The following DOCK2 variants were observed in gnomAD, a reference collection of about 807,000 sequenced individuals.
DOCK2 encodes dedicator of cytokinesis protein 2.
In DOCK2, 87 loss-of-function variants were observed where a neutral mutation model predicts 248.9. That is an observed-to-expected ratio of 0.35 (90% CI 0.29 to 0.42). DOCK2 has a LOEUF of 0.42. Among genes scored for constraint, DOCK2 ranks in the 10% least tolerant of loss-of-function variants. The probability of loss-of-function intolerance (pLI) is 1.00; values close to 1 mark genes in which losing one functional copy is unlikely to be tolerated. For missense variants in DOCK2, 1,747 were observed against 2,300.2 expected (o/e 0.76, Z 4.92); for synonymous variants, 805 against 821.6 (o/e 0.98, Z 0.35).
chr5:170,014,968 G>A (rs1400090099), intron 32 of DOCK2, among the ~76,000 whole-genome samples: 1 of 152,182 alleles, frequency 6.6e-6, no homozygotes, highest in African/African-American at 2.4e-5. Context: ...GGTTGTGAGT[G>A]TCAGCCATGG....
At chr5:169,724,661 C>A (rs1218650151) in intron 22 of DOCK2, among the ~76,000 whole-genome samples, 1 of 152,216 alleles carries the variant, frequency 6.6e-6, no homozygotes, top group Non-Finnish European at 1.5e-5. Flanking sequence ...GCTTACCTCA[C>A]CCAGGGCCAG....
At chr5:169,716,649 G>A (rs1761928267) in intron 20 of DOCK2, among the ~76,000 whole-genome samples, 1 of 152,180 alleles carries the variant, frequency 6.6e-6, no homozygotes, top group South Asian at 2.1e-4. Flanking sequence ...CACCAAAAAT[G>A]TTTCTTAGCT....
At position 170,055,438 on chromosome 5, in the gene DOCK2, G is replaced by A. The variant is rs138260184; in HGVS notation, c.4295+52G>A. On this transcript the variant is annotated intron_variant, in intron 42 of 51. Transcript: ENST00000520908. ...AGGATGGGGAAGAGAACCCATTGGG[G>A]CCACCAAACTGAGCTGGTGGCAGAA... 541 of 1,552,810 alleles carry A rather than the reference G, an allele frequency of 3.5e-4. 2 individuals carry two copies. In the African/African-American group the frequency reaches 6.5e-3, roughly 19 times the overall value.
chr5:170,039,685 A>G (rs890257950), intron 36 of DOCK2, among the ~76,000 whole-genome samples: 7 of 152,198 alleles, frequency 4.6e-5, no homozygotes, highest in African/African-American at 1.7e-4. Flanking sequence ...CTGAACATTC[A>G]CTTCTCCTTT....
At chr5:170,041,864 T>C in intron 37 of DOCK2, 149 bp from the exon 38 acceptor site, 1 of 1,014,746 alleles carries the variant, frequency 9.9e-7, no homozygotes, top group Admixed American at 3.1e-5. Context: ...ACCCCAAGTT[T>C]CCAGAAATAA....
At chr5:169,639,301 C>T (rs912036601) in intron 1 of DOCK2, among the ~76,000 whole-genome samples, 1 of 152,136 alleles carries the variant, frequency 6.6e-6, no homozygotes, top group Non-Finnish European at 1.5e-5. Flanking sequence ...GCCTGAGGCT[C>T]TTGTCAGTGA....
chr5:169,642,582 T>C (rs969714245), intron 1 of DOCK2, among the ~76,000 whole-genome samples: 3 of 152,176 alleles, frequency 2.0e-5, no homozygotes, highest in Non-Finnish European at 4.4e-5. Flanking sequence ...TCCCCAGAAA[T>C]TAGTCTGGTG....
intron 14 of DOCK2, among the ~76,000 whole-genome samples, chr5:169,704,332 A>G (rs1761128262): frequency 3.3e-5 from 5 of 152,100 alleles, no homozygotes; most frequent in Admixed American, 3.3e-4. Flanking sequence ...CTTTAGAAAT[A>G]TTGATTTCTC....
chr5:169,910,529 C>A (rs1439504780), intron 27 of DOCK2, among the ~76,000 whole-genome samples: 1 of 151,658 alleles, frequency 6.6e-6, no homozygotes, highest in Non-Finnish European at 1.5e-5. Context: ...ACATGACTGA[C>A]CTGTTTTCAG....
At chr5:169,859,807 G>A (rs1771080915) in intron 27 of DOCK2, among the ~76,000 whole-genome samples, 1 of 152,122 alleles carries the variant, frequency 6.6e-6, no homozygotes, top group East Asian at 1.9e-4. Context: ...GGCTCTTAAA[G>A]TCTCTTTTAC....
At chr5:170,044,806 C>T (rs1756642594) in intron 38 of DOCK2, among the ~76,000 whole-genome samples, 2 of 152,156 alleles carry the variant, frequency 1.3e-5, no homozygotes, top group South Asian at 4.1e-4. Context: ...TTGGCAACCT[C>T]CCCTCTCTCC....
intron 26 of DOCK2, among the ~76,000 whole-genome samples, chr5:169,804,496 G>GCA (rs1561713185): frequency 2.5e-4 from 7 of 27,756 alleles, no homozygotes; most frequent in African/African-American, 3.6e-4. Flanking sequence ...GCGCGCGCGC[G>GCA]TGCGCGTAAG....
intron 41 of DOCK2, among the ~76,000 whole-genome samples, chr5:170,051,632 G>C (rs1314653476): frequency 6.6e-6 from 1 of 152,152 alleles, no homozygotes; most frequent in African/African-American, 2.4e-5. Context: ...CATTATCTCT[G>C]GTGCTTTTTA....
chr5:169,817,979 A>T (rs998169104), intron 26 of DOCK2, among the ~76,000 whole-genome samples: 1 of 152,200 alleles, frequency 6.6e-6, no homozygotes, highest in Non-Finnish European at 1.5e-5. Flanking sequence ...TTTTGCATTA[A>T]AACATCGCAT....
intron 29 of DOCK2, among the ~76,000 whole-genome samples, chr5:169,994,506 G>A (rs1317980293): frequency 6.6e-6 from 1 of 152,078 alleles, no homozygotes; most frequent in Non-Finnish European, 1.5e-5. Context: ...TCATAGGAGG[G>A]GTGCCAGAAA....
chr5:169,934,856 T>C (rs259901), intron 27 of DOCK2: 42,300 of 382,530 alleles, frequency 0.11, 3,251 homozygotes, highest in African/African-American at 0.3. Context: ...TAAAGCATTA[T>C]ACATTGCCAA....
intron 25 of DOCK2, among the ~76,000 whole-genome samples, chr5:169,782,693 A>G (rs1180420567): frequency 3.9e-5 from 6 of 152,094 alleles, no homozygotes; most frequent in South Asian, 2.1e-4. Flanking sequence ...TCGGTTCTCA[A>G]CTGCATTCGA....
chr5:170,062,087 G>A (rs1266930415), intron 44 of DOCK2, among the ~76,000 whole-genome samples: 1 of 150,484 alleles, frequency 6.6e-6, no homozygotes, highest in Non-Finnish European at 1.5e-5. Context: ...GTATCTATGT[G>A]TGTATGTATA....
At chr5:169,762,886 G>T (rs1352191956) in intron 25 of DOCK2, among the ~76,000 whole-genome samples, 1 of 152,192 alleles carries the variant, frequency 6.6e-6, no homozygotes, top group Admixed American at 6.5e-5. Flanking sequence ...TATGCAAATT[G>T]CCTGGTAATC....
Sources: gnomAD v4.1 joint callset for allele counts (sites outside exome capture counted in the v4.1 genomes callset) on GRCh38, gnomAD v4.1.1 for gene constraint, MANE v1.5 for transcripts, NCBI Gene and HGNC (gene_info 2026-07-23, HGNC 2026-07-21) for gene names.